The following CCNH variants were observed in gnomAD, a reference collection of about 807,000 sequenced individuals.
CCNH encodes cyclin-H.
In CCNH, 31 loss-of-function variants were observed where a neutral mutation model predicts 41.9. The ratio of observed to expected loss-of-function variants is 0.74; its 90% CI spans 0.56 to 1.00. CCNH has a LOEUF of 1.00. CCNH is among the 50% of genes least tolerant of loss of function. CCNH has a pLI of 0.00. For synonymous variants in CCNH, 138 were observed against 136.1 expected, an observed-to-expected ratio of 1.01 and a Z score of -0.10; for missense variants, 362 against 388.4, an observed-to-expected ratio of 0.93 and a Z score of 0.57.
downstream of CCNH, among the ~76,000 whole-genome samples, chr5:87,389,957 C>G (rs1367472533): frequency 6.6e-6 from 1 of 152,080 alleles, no homozygotes; most frequent in African/African-American, 2.4e-5. Flanking sequence ...AATTTCACAT[C>G]CAGAGGTTCT....
At chr5:87,341,449 G>A in intron 9 of CCNH, 1 of 472,582 alleles carries the variant, frequency 2.1e-6, no homozygotes, top group Middle Eastern at 6.2e-4. Context: ...TTTGGCTTAG[G>A]GAACTGATTT....
chr5:87,405,731 T>C (rs1462398661), intron 4 of CCNH, among the ~76,000 whole-genome samples: 1 of 152,084 alleles, frequency 6.6e-6, no homozygotes, highest in Non-Finnish European at 1.5e-5. Flanking sequence ...TTTGCTCACT[T>C]ATCCCTCTAC....
downstream of CCNH, among the ~76,000 whole-genome samples, chr5:87,371,925 TTTA>T (rs1050148727): frequency 2.0e-5 from 3 of 151,944 alleles, no homozygotes; most frequent in South Asian, 2.1e-4. Flanking sequence ...TTTTGGTTGT[TTTA>T]TTATTGTTAT....
chr5:87,387,004 A>C, downstream of CCNH: 1 of 1,129,242 alleles, frequency 8.9e-7, no homozygotes, highest in African/African-American at 1.6e-5. Context: ...TCTATCCAAA[A>C]CTAAAAAGAC....
At chr5:87,373,321 T>C (rs566860821), downstream of CCNH, among the ~76,000 whole-genome samples, 63 of 152,260 alleles carry the variant, frequency 4.1e-4, no homozygotes, top group Admixed American at 1.1e-3. Flanking sequence ...GTATTACAAG[T>C]AATCTAGAGA....
rs1761888219 is a variant in CCNH at position 87,383,773 on chromosome 5, C to T, written c.*90+8997G>A. 7 of 1,608,318 alleles carry T rather than the reference C, an allele frequency of 4.4e-6. No homozygotes were observed. Among genetic ancestry groups the T allele is most frequent in the Non-Finnish European group, 5.9e-6 (7 of 1,176,630 alleles). ...TCCTGAATCCACGGATGTTCAATAT[C>T]ATCTCAGGTAATCAGCTTTTGATAC... On this transcript the variant is annotated intron_variant and NMD_transcript_variant, in intron 9 of 9. Coordinates refer to the CCNH transcript ENST00000645953.
downstream of CCNH, among the ~76,000 whole-genome samples, chr5:87,317,908 T>C (rs1334568483): frequency 1.3e-5 from 2 of 152,128 alleles, no homozygotes; most frequent in Non-Finnish European, 2.9e-5. Context: ...ATTTCTATAA[T>C]TACAGGCTTG....
chr5:87,398,290 T>C (rs964541003), intron 7 of CCNH, among the ~76,000 whole-genome samples: 3 of 152,264 alleles, frequency 2.0e-5, no homozygotes, highest in African/African-American at 7.2e-5. Flanking sequence ...GAGTCATGTG[T>C]ATTTGACATA....
chr5:87,342,623 A>G (rs1041981296), intron 9 of CCNH, among the ~76,000 whole-genome samples: 5 of 152,138 alleles, frequency 3.3e-5, no homozygotes, highest in South Asian at 2.1e-4. Context: ...CTGTGTCCCT[A>G]CTGTCAAAAA....
chr5:87,386,717 A>G (rs1052461840), downstream of CCNH: 10 of 883,744 alleles, frequency 1.1e-5, no homozygotes, highest in Admixed American at 7.1e-5. Flanking sequence ...AATTTGGTGC[A>G]ATAGTAATTG....
chr5:87,323,196 A>G (rs1756954407), intron 9 of CCNH, among the ~76,000 whole-genome samples: 1 of 152,220 alleles, frequency 6.6e-6, no homozygotes, highest in Non-Finnish European at 1.5e-5. Context: ...ATGACTTTTG[A>G]GTAAATTGTG....
At chr5:87,340,624 A>G (rs1758363141) in intron 9 of CCNH, among the ~76,000 whole-genome samples, 2 of 152,298 alleles carry the variant, frequency 1.3e-5, no homozygotes, top group South Asian at 4.1e-4. Flanking sequence ...AGTTCAAAAC[A>G]TAGTAAAAGG....
At chr5:87,410,716 A>G (rs1039218886) in intron 2 of CCNH, among the ~76,000 whole-genome samples, 41 of 152,152 alleles carry the variant, frequency 2.7e-4, no homozygotes, top group African/African-American at 9.4e-4. Flanking sequence ...CAAAAAACAA[A>G]TAGGTCCTCA....
chr5:87,405,088 T>C, intron 4 of CCNH, 81 bp from the exon 5 acceptor site: 1 of 925,254 alleles, frequency 1.1e-6, no homozygotes, highest in Non-Finnish European at 1.7e-6. Context: ...ACACAACTCC[T>C]ATTAAGAAAT....
chr5:87,359,008 T>TA (rs1759870402), intron 9 of CCNH, among the ~76,000 whole-genome samples: 1 of 152,232 alleles, frequency 6.6e-6, no homozygotes, highest in Admixed American at 6.5e-5. Context: ...GCGGAGCACT[T>TA]ACCTTCTAAC....
chr5:87,338,536 A>ATATATATTTTTTTTTTTTTTT, intron 9 of CCNH, among the ~76,000 whole-genome samples: 3 of 85,216 alleles, frequency 3.5e-5, no homozygotes, highest in African/African-American at 1.3e-4. Context: ...TATATATAAA[A>ATATATATTTTTTTTTTTTTTT]TTTTTTTTTT....
intron 9 of CCNH, chr5:87,385,515 G>T (rs1762004659): frequency 1.4e-6 from 1 of 735,020 alleles, no homozygotes; most frequent in Non-Finnish European, 2.3e-6. Context: ...TATTTTTGTT[G>T]GTATGTTTGT....
intron 9 of CCNH, among the ~76,000 whole-genome samples, chr5:87,326,992 A>G (rs1040621768): frequency 6.6e-6 from 1 of 152,180 alleles, no homozygotes; most frequent in Non-Finnish European, 1.5e-5. Context: ...AACAGTCATA[A>G]AATTTGTTAG....
chr5:87,329,528 T>C (rs1245744190), intron 9 of CCNH, among the ~76,000 whole-genome samples: 1 of 152,120 alleles, frequency 6.6e-6, no homozygotes, highest in East Asian at 1.9e-4. Context: ...TCTTATAAAG[T>C]AGTAATTGTG....
Sources: allele counts gnomAD v4.1 joint callset (sites outside exome capture counted in the v4.1 genomes callset), GRCh38; gene constraint gnomAD v4.1.1; transcripts MANE v1.5; gene names NCBI Gene and HGNC (gene_info 2026-07-23, HGNC 2026-07-21).